SLC7A11: variants seen among roughly 807,000 people sequenced by gnomAD.
SLC7A11 encodes the protein solute carrier family 7 member 11, also known as cystine/glutamate transporter.
Under a neutral mutation model 54.5 loss-of-function variants are expected in SLC7A11, and 35 were observed. The ratio of observed to expected loss-of-function variants is 0.64; its 90% CI spans 0.49 to 0.85. The LOEUF (loss-of-function observed/expected upper bound fraction) is 0.85. Ranked by LOEUF, SLC7A11 falls within the 40% of genes least tolerant of loss-of-function variation. The pLI is 0.00. For synonymous variants in SLC7A11, 230 were observed against 225.2 expected (o/e 1.02, Z -0.19); for missense variants, 583 against 618.1 (o/e 0.94, Z 0.60).
intron 3 of SLC7A11, among the ~76,000 whole-genome samples, chr4:138,225,218 T>C (rs550165578): frequency 7.4e-5 from 11 of 148,244 alleles, no homozygotes; most frequent in Non-Finnish European, 1.6e-4. Flanking sequence ...ATTTTATTTG[T>C]TGTATATACC....
intron 6 of SLC7A11, among the ~76,000 whole-genome samples, 187 bp from the exon 7 acceptor site, chr4:138,185,431 C>G (rs1181891759): frequency 6.6e-6 from 1 of 152,064 alleles, no homozygotes; most frequent in Non-Finnish European, 1.5e-5. Flanking sequence ...TTAATAAGGT[C>G]CATGGGGGCA....
chr4:138,229,846 A>T (rs1036923068), intron 3 of SLC7A11, among the ~76,000 whole-genome samples: 23 of 152,218 alleles, frequency 1.5e-4, no homozygotes, highest in Non-Finnish European at 5.9e-5. Flanking sequence ...CAATCTACTT[A>T]GTCTTCTGGT....
intron 6 of SLC7A11, among the ~76,000 whole-genome samples, chr4:138,187,862 C>CT (rs961874375): frequency 7.3e-5 from 11 of 151,506 alleles, no homozygotes; most frequent in Non-Finnish European, 1.6e-4. Flanking sequence ...CCTAAAAAAA[C>CT]TTTTTTTTAT....
intron 6 of SLC7A11, among the ~76,000 whole-genome samples, chr4:138,205,859 G>T (rs184380366): frequency 7.3e-4 from 111 of 152,100 alleles, no homozygotes; most frequent in Admixed American, 1.8e-3. Flanking sequence ...AGATAACAGG[G>T]TTCCAACTCT....
At chr4:138,217,106 T>G (rs1368929724) in intron 5 of SLC7A11, among the ~76,000 whole-genome samples, 1 of 151,612 alleles carries the variant, frequency 6.6e-6, no homozygotes, top group African/African-American at 2.4e-5. Flanking sequence ...GACCATAGAT[T>G]AACAGCCAGA....
rs149027229 is a variant in SLC7A11 at position 138,178,792 on chromosome 4, A to G, written c.1444+425T>C. Among the ~76,000 whole-genome samples the G allele has an allele frequency of 2.7e-3, 407 of 152,260 alleles. 1 individual carries two copies. Among genetic ancestry groups the G allele is most frequent in the African/African-American group, 9.3e-3 (385 of 41,566 alleles). On this transcript the variant is annotated intron_variant, in intron 11 of 11. Coordinates refer to ENST00000280612, the MANE Select transcript of SLC7A11 (RefSeq NM_014331.4). The stretch of plus-strand genomic sequence containing the variant: ...CTTCCTTTTAAGGTAGCGTACAGTC[A>G]TAATGTTTAAGGCATTTGCAGGCCA...
intron 4 of SLC7A11, among the ~76,000 whole-genome samples, chr4:138,222,153 T>G (rs894046719): frequency 6.6e-6 from 1 of 152,200 alleles, no homozygotes; most frequent in African/African-American, 2.4e-5. Context: ...TAAAAGCATT[T>G]CCGCCAGCAG....
chr4:138,172,223 C>T (rs1459102089), intron 11 of SLC7A11, among the ~76,000 whole-genome samples: 1 of 152,144 alleles, frequency 6.6e-6, no homozygotes, highest in Non-Finnish European at 1.5e-5. Context: ...GATGGCTTCT[C>T]AGCAAGAATA....
chr4:138,220,482 G>C (rs1257066410), intron 4 of SLC7A11, among the ~76,000 whole-genome samples: 1 of 152,058 alleles, frequency 6.6e-6, no homozygotes, highest in African/African-American at 2.4e-5. Context: ...ATATTGAAAA[G>C]ATATTATAAT....
chr4:138,170,756 CTA>C lies in SLC7A11; in HGVS notation c.*1198_*1199del, dbSNP rs2148405039. Reference sequence around the variant, plus strand: ...AAGGTGTGGAAATTACTGACAAAGCCTAGATATAGAAGTGGAAATTTTCTAGA... The same window carrying C: ...AAGGTGTGGAAATTACTGACAAAGCCGATATAGAAGTGGAAATTTTCTAGA... On this transcript the variant is annotated 3_prime_UTR_variant, in exon 12 of 12. Coordinates refer to ENST00000280612, the MANE Select transcript of SLC7A11 (RefSeq NM_014331.4). The C allele has an allele frequency of 6.6e-6, 1 of 152,174 alleles. No homozygotes were observed. The highest frequency in any genetic ancestry group is 2.1e-4 in the South Asian group (1 of 4,824). The allele number at this position is 152,174 out of a possible 1,614,324, so 9.4% of individuals were successfully genotyped here. A position where few individuals can be genotyped will look rare whatever the true frequency, so the allele number is the denominator to read the frequency against.
chr4:138,184,441 A>G lies in SLC7A11; in HGVS notation c.915+680T>C, dbSNP rs1736826095. 2.0e-5 allele frequency among the ~76,000 whole-genome samples: 3 copies of G among 152,158 alleles called. No homozygotes were observed. The South Asian group carries it at 6.2e-4, about 32-fold the overall frequency. On this transcript the variant is annotated intron_variant, in intron 7 of 11. Coordinates refer to ENST00000280612, the MANE Select transcript of SLC7A11 (RefSeq NM_014331.4). ...TTTATGCAAAATAAAAGTGTATCAC[A>G]GAATAACAGTCTTATAACATGATCT...
At position 138,241,913 on chromosome 4, in the gene SLC7A11, T is replaced by A; in HGVS notation, c.157A>T (p.Ile53Phe). ...CCTGCTCCAATGATGGTGCCAATGA[T>A]AATGGAGACTCCCCTCAGTAAAGTG... ...KVTLLRGVSI[I>F]IGTIIGAGIF... is the part of the protein sequence containing the mutation. The change falls in exon 1 of 12, where the codon ATC becomes TTC. Residue 53 changes from isoleucine to phenylalanine, a missense_variant. Ile to Phe is a conservative substitution (Grantham distance 21, BLOSUM62 0). Coordinates refer to ENST00000280612, the MANE Select transcript of SLC7A11 (RefSeq NM_014331.4). 1 of 1,613,980 alleles carries A rather than the reference T, an allele frequency of 6.2e-7. No individual in the cohort carries two copies. The highest frequency in any genetic ancestry group is 1.1e-5 in the South Asian group (1 of 91,080).
Position 138,170,361 on chromosome 4 carries a change from G to A in SLC7A11, c.*1595C>T, listed in dbSNP as rs778800864. The stretch of plus-strand genomic sequence containing the variant: ...AGATGGAGTCTGACTTTGTCACCCA[G>A]GCTGGAGTACAGTGGTGCAATCTTG... On this transcript the variant is annotated 3_prime_UTR_variant, in exon 12 of 12. Transcript: ENST00000280612. The A allele has an allele frequency of 6.8e-6, 1 of 146,484 alleles. No homozygotes were observed. Among genetic ancestry groups the A allele is most frequent in the Non-Finnish European group, 1.5e-5 (1 of 66,934 alleles). 9.1% of individuals were successfully genotyped at this position (146,484 alleles called of 1,614,324 possible).
chr4:138,236,224 G>A, intron 2 of SLC7A11, 101 bp downstream of exon 2: 2 of 918,276 alleles, frequency 2.2e-6, no homozygotes, highest in South Asian at 3.6e-5. Flanking sequence ...TTATCATGTA[G>A]TCACATGACA....
chr4:138,234,973 A>C (rs1259807795), intron 2 of SLC7A11, among the ~76,000 whole-genome samples: 1 of 152,222 alleles, frequency 6.6e-6, no homozygotes, highest in Non-Finnish European at 1.5e-5. Flanking sequence ...TATATGCCAA[A>C]AAAAGGGCAC....
intron 6 of SLC7A11, among the ~76,000 whole-genome samples, chr4:138,186,899 A>G (rs993864085): frequency 8.5e-5 from 13 of 152,106 alleles, no homozygotes; most frequent in African/African-American, 3.1e-4. Flanking sequence ...TGGGGAGTAA[A>G]TTCTTTCTAT....
At chr4:138,200,943 A>G (rs1030520522) in intron 6 of SLC7A11, among the ~76,000 whole-genome samples, 1 of 152,236 alleles carries the variant, frequency 6.6e-6, no homozygotes, top group East Asian at 1.9e-4. Flanking sequence ...ATCCTTTGCT[A>G]TCTATCTCTT....
chr4:138,193,032 C>A (rs1371854935), intron 6 of SLC7A11, among the ~76,000 whole-genome samples: 1 of 152,130 alleles, frequency 6.6e-6, no homozygotes. Context: ...AGACAGTAAA[C>A]GCATGTCTTA....
At position 138,205,785 on chromosome 4, in the gene SLC7A11, TGAAA is replaced by T. The variant is rs1431287669; in HGVS notation, c.791+8796_791+8799del. Among the ~76,000 whole-genome samples the T allele has an allele frequency of 1.1e-3, 164 of 152,146 alleles. 2 individuals are homozygous for T. Among genetic ancestry groups the T allele is most frequent in the African/African-American group, 3.7e-3 (152 of 41,540 alleles). ...TGAGGGGTGCTATGTAAGTGTGGAC[TGAAA>T]AGCTGGAGACAATATAATGGCTGAC... On this transcript the variant is annotated intron_variant, in intron 6 of 11. Transcript: ENST00000280612.
Sources: allele counts gnomAD v4.1 joint callset (sites outside exome capture counted in the v4.1 genomes callset), GRCh38; gene constraint gnomAD v4.1.1; transcripts MANE v1.5; gene names NCBI Gene and HGNC (gene_info 2026-07-23, HGNC 2026-07-21).